Variants in NGLY1 observed in about 807,000 individuals in gnomAD.
The protein encoded by NGLY1 is peptide-N(4)-(N-acetyl-beta-glucosaminyl)asparagine amidase.
A neutral mutation model predicts 84.6 loss-of-function variants in NGLY1; 68 were observed. The observed-to-expected ratio is 0.80, with a 90% confidence interval of 0.66 to 0.98. NGLY1 has a LOEUF of 0.98. Among genes scored for constraint, NGLY1 ranks in the 50% least tolerant of loss-of-function variants. The pLI is 0.00. For missense variants in NGLY1, 779 were observed against 770.2 expected (o/e 1.01, Z -0.14); for synonymous variants, 280 against 275.2 (o/e 1.02, Z -0.17).
intron 3 of NGLY1, 63 bp downstream of exon 3, chr3:25,764,003 A>G (rs2125545397): frequency 6.3e-7 from 1 of 1,580,052 alleles, no homozygotes; most frequent in Non-Finnish European, 8.6e-7. Flanking sequence ...AACACATTCC[A>G]AAGCTTTTGC....
chr3:25,773,649 C>T (rs1052337161), intron 2 of NGLY1, among the ~76,000 whole-genome samples: 4 of 152,102 alleles, frequency 2.6e-5, no homozygotes, highest in African/African-American at 9.7e-5. Flanking sequence ...GGATCCATTG[C>T]TACTATGCTA....
chr3:25,768,706 C>T (rs1011694952), intron 2 of NGLY1, among the ~76,000 whole-genome samples: 4 of 151,532 alleles, frequency 2.6e-5, no homozygotes, highest in Non-Finnish European at 4.4e-5. Flanking sequence ...CCACCACGCC[C>T]GGCTAATTTT....
chr3:25,719,454 A>G lies in NGLY1; in HGVS notation c.*6T>C. ...TATTGCCAGCTTTTCTATAATGTTC[A>G]GGTTCTCAAAGGTCACTGAATTTTA... On this transcript the variant is annotated 3_prime_UTR_variant, in exon 12 of 12. Transcript: ENST00000280700. 1 of 1,612,188 alleles carries G rather than the reference A, an allele frequency of 6.2e-7. No individual in the cohort carries two copies. Among genetic ancestry groups the G allele is most frequent in the Non-Finnish European group, 8.5e-7 (1 of 1,178,614 alleles).
intron 2 of NGLY1, among the ~76,000 whole-genome samples, chr3:25,772,401 C>T (rs1707937232): frequency 6.6e-6 from 1 of 151,954 alleles, no homozygotes; most frequent in African/African-American, 2.4e-5. Flanking sequence ...TAAATAATGC[C>T]CCCCTTTGTC....
chr3:25,778,823 T>C (rs1708269255), intron 1 of NGLY1, 135 bp from the exon 2 acceptor site: 1 of 459,954 alleles, frequency 2.2e-6, no homozygotes, highest in East Asian at 3.4e-5. Context: ...AACCAATGGT[T>C]GTTTTTACTA....
At chr3:25,782,589 C>T (rs1708468373) in intron 1 of NGLY1, 1 of 152,198 alleles carries the variant, frequency 6.6e-6, no homozygotes, top group African/African-American at 2.4e-5. Flanking sequence ...AAATTACTCT[C>T]ATCCAAGGCG....
intron 4 of NGLY1, 77 bp downstream of exon 4, chr3:25,751,021 T>C (rs916776971): frequency 7.1e-7 from 1 of 1,408,108 alleles, no homozygotes; most frequent in Non-Finnish European, 9.7e-7. Flanking sequence ...TCTTCAAGGG[T>C]CAGTTGTATT....
intron 3 of NGLY1, chr3:25,755,036 C>A: frequency 9.2e-7 from 1 of 1,083,770 alleles, no homozygotes; most frequent in African/African-American, 1.5e-5. Flanking sequence ...GGTTATAAAT[C>A]AAATTTTGGA....
At chr3:25,788,074 C>A (rs1708643407), upstream of NGLY1, among the ~76,000 whole-genome samples, 1 of 152,188 alleles carries the variant, frequency 6.6e-6, no homozygotes, top group Admixed American at 6.5e-5. Flanking sequence ...TTTGCACTTA[C>A]TTGTTTCTAT....
intron 3 of NGLY1, among the ~76,000 whole-genome samples, chr3:25,756,361 T>C (rs1389829536): frequency 1.3e-5 from 2 of 152,238 alleles, no homozygotes; most frequent in African/African-American, 4.8e-5. Context: ...ATTCTCTATA[T>C]GCCTAATGTT....
chr3:25,777,843 G>C (rs942397132), intron 2 of NGLY1: 3 of 152,180 alleles, frequency 2.0e-5, no homozygotes, highest in African/African-American at 7.2e-5. Context: ...AATGGAACCT[G>C]GGGAGGGAAG....
chr3:25,740,784 T>C (rs953044325), intron 4 of NGLY1, among the ~76,000 whole-genome samples: 6 of 152,138 alleles, frequency 3.9e-5, no homozygotes, highest in African/African-American at 1.2e-4. Context: ...CAAATTAATC[T>C]ATAATTTAAT....
At chr3:25,760,857 T>C (rs1707287733) in intron 3 of NGLY1, among the ~76,000 whole-genome samples, 1 of 45,030 alleles carries the variant, frequency 2.2e-5, no homozygotes, top group African/African-American at 8.0e-5. Flanking sequence ...TGAAACTCTG[T>C]CTCAAAAAAA....
At chr3:25,763,573 G>A (rs143266559) in intron 3 of NGLY1, among the ~76,000 whole-genome samples, 460 of 152,288 alleles carry the variant, frequency 3.0e-3, no homozygotes, top group African/African-American at 5.9e-3. Flanking sequence ...AAACTTAGGA[G>A]AAGAATATGT....
intron 4 of NGLY1, among the ~76,000 whole-genome samples, chr3:25,748,072 G>C (rs1706531710): frequency 6.6e-6 from 1 of 152,142 alleles, no homozygotes; most frequent in African/African-American, 2.4e-5. Context: ...GATTTTACCA[G>C]AGTCTTCTCT....
At chr3:25,727,813 A>T (rs1356427991) in intron 10 of NGLY1, among the ~76,000 whole-genome samples, 1 of 152,190 alleles carries the variant, frequency 6.6e-6, no homozygotes, top group Non-Finnish European at 1.5e-5. Flanking sequence ...TATTTTCCCC[A>T]TCATTACTAC....
At chr3:25,758,263 C>A (rs1707136632) in intron 3 of NGLY1, among the ~76,000 whole-genome samples, 1 of 152,154 alleles carries the variant, frequency 6.6e-6, no homozygotes, top group Admixed American at 6.5e-5. Context: ...TGTATACATT[C>A]ATTAGGTAAT....
At chr3:25,732,289 A>C in intron 9 of NGLY1, 30 bp downstream of exon 9, 1 of 1,605,588 alleles carries the variant, frequency 6.2e-7, no homozygotes, top group South Asian at 1.1e-5. Context: ...GGAAAGTAAA[A>C]GGATCATCAT....
intron 3 of NGLY1, among the ~76,000 whole-genome samples, chr3:25,758,774 C>T (rs1384121718): frequency 6.6e-6 from 1 of 151,792 alleles, no homozygotes; most frequent in East Asian, 1.9e-4. Flanking sequence ...GTATGGAGAT[C>T]CACTAGAAAC....
Sources: allele counts gnomAD v4.1 joint callset (sites outside exome capture counted in the v4.1 genomes callset), GRCh38; gene constraint gnomAD v4.1.1; transcripts MANE v1.5; gene names NCBI Gene and HGNC (gene_info 2026-07-23, HGNC 2026-07-21).